The following TMEM156 variants were observed in gnomAD, a reference collection of about 807,000 sequenced individuals.
The protein encoded by TMEM156 is transmembrane protein 156.
Under a neutral mutation model 30.5 loss-of-function variants are expected in TMEM156, and 28 were observed. The observed-to-expected ratio is 0.92, with a 90% CI of 0.68 to 1.26. The LOEUF is 1.26. TMEM156 is among the 50% of genes most tolerant of loss of function. The pLI is 0.00. For missense variants in TMEM156, 351 were observed against 340.6 expected (o/e 1.03, Z -0.24); for synonymous variants, 137 against 119.9 (o/e 1.14, Z -0.93).
chr4:39,018,435 T>C (rs1019462964), intron 1 of TMEM156, among the ~76,000 whole-genome samples: 4 of 152,198 alleles, frequency 2.6e-5, no homozygotes, highest in South Asian at 2.1e-4. Flanking sequence ...GAGGTTTTTT[T>C]CCCTGCCATT....
intron 3 of TMEM156, among the ~76,000 whole-genome samples, chr4:38,990,600 C>T (rs1448615201): frequency 6.6e-6 from 1 of 152,104 alleles, no homozygotes; most frequent in Admixed American, 6.5e-5. Context: ...GAGTGTATCT[C>T]CTAGGGTCCT....
intron 1 of TMEM156, among the ~76,000 whole-genome samples, chr4:39,021,017 G>C (rs1390734911): frequency 6.6e-6 from 1 of 152,120 alleles, no homozygotes; most frequent in Non-Finnish European, 1.5e-5. Flanking sequence ...ATATTTCACT[G>C]TATTTTCATA....
At chr4:38,979,005 C>A (rs990769441) in intron 5 of TMEM156, among the ~76,000 whole-genome samples, 3 of 152,204 alleles carry the variant, frequency 2.0e-5, no homozygotes, top group Admixed American at 2.0e-4. Context: ...TTTGACTTCC[C>A]ACACGGATCT....
intron 3 of TMEM156, among the ~76,000 whole-genome samples, chr4:38,990,176 A>G (rs566164457): frequency 6.6e-6 from 1 of 152,352 alleles, no homozygotes; most frequent in African/African-American, 2.4e-5. Flanking sequence ...ACCTTAGCAG[A>G]ATGTATACCA....
At chr4:38,991,116 T>G (rs1366087983) in intron 3 of TMEM156, among the ~76,000 whole-genome samples, 1 of 151,934 alleles carries the variant, frequency 6.6e-6, no homozygotes, top group Non-Finnish European at 1.5e-5. Context: ...ATTACAGGCA[T>G]GACCCACCTC....
chr4:38,973,326 C>T (rs567173046), intron 5 of TMEM156, among the ~76,000 whole-genome samples: 10 of 152,166 alleles, frequency 6.6e-5, no homozygotes, highest in African/African-American at 2.2e-4. Context: ...TTTATATATT[C>T]GTCTTCCTCT....
chr4:39,019,311 A>G (rs140101751), intron 1 of TMEM156, among the ~76,000 whole-genome samples: 12 of 152,280 alleles, frequency 7.9e-5, no homozygotes, highest in South Asian at 4.1e-4. Flanking sequence ...CCAGTTCACT[A>G]ATTCATTATT....
rs372463339 is a variant in TMEM156, at chr4:38,971,094, C to A, written c.867G>T (p.Val289=). ...CTTATAGTTCTGGAATTGGGGGAAG[C>A]ACTTCCTGGACTTGATCCAAAGGCA... The part of the protein sequence containing the change: ...QRLPLDQVQE[V]LPPIPEL Residue 289 remains valine, a synonymous_variant, in exon 6 of 7, where the codon GTG becomes GTT. Transcript: ENST00000381938. 7.4e-6 allele frequency: 12 copies of A among 1,613,888 alleles called. No individual in the cohort carries two copies. Among genetic ancestry groups the A allele is most frequent in the Non-Finnish European group, 9.3e-6 (11 of 1,179,910 alleles).
At chr4:38,981,785 C>A (rs1429920098) in intron 5 of TMEM156, among the ~76,000 whole-genome samples, 2 of 152,186 alleles carry the variant, frequency 1.3e-5, no homozygotes, top group African/African-American at 4.8e-5. Flanking sequence ...TTTCCCTTCT[C>A]CTATGTCAAC....
chr4:39,013,843 TTAAA>T (rs1379760911), intron 1 of TMEM156, among the ~76,000 whole-genome samples: 5 of 152,218 alleles, frequency 3.3e-5, no homozygotes, highest in African/African-American at 1.2e-4. Context: ...ATCCAAAGGT[TTAAA>T]TACTGTCAAA....
chr4:38,990,334 C>T (rs998126726), intron 3 of TMEM156, among the ~76,000 whole-genome samples: 5 of 152,138 alleles, frequency 3.3e-5, no homozygotes, highest in African/African-American at 1.2e-4. Context: ...ATTAGGATGG[C>T]GGCGCTCAGC....
intron 4 of TMEM156, among the ~76,000 whole-genome samples, chr4:38,987,372 C>T (rs1337001178): frequency 1.3e-5 from 2 of 152,100 alleles, no homozygotes; most frequent in African/African-American, 4.8e-5. Context: ...AGTGAAAATG[C>T]TCTGAAAATG....
intron 2 of TMEM156, among the ~76,000 whole-genome samples, chr4:38,994,405 C>T (rs531355058): frequency 5.3e-5 from 8 of 152,226 alleles, no homozygotes; most frequent in East Asian, 3.9e-4. Flanking sequence ...GGATTACAGG[C>T]GTGAGCCACT....
At chr4:38,969,366 G>A (rs1416119064) in intron 6 of TMEM156, among the ~76,000 whole-genome samples, 2 of 152,156 alleles carry the variant, frequency 1.3e-5, no homozygotes, top group African/African-American at 4.8e-5. Context: ...TACTTCACTT[G>A]AGATAATGAC....
intron 1 of TMEM156, among the ~76,000 whole-genome samples, chr4:39,024,945 A>T (rs1242091100): frequency 6.6e-6 from 1 of 152,254 alleles, no homozygotes; most frequent in East Asian, 1.9e-4. Context: ...TCAGCAATTT[A>T]AAAATATTAG....
At chr4:39,007,244 G>C (rs1449518382) in intron 1 of TMEM156, among the ~76,000 whole-genome samples, 3 of 152,058 alleles carry the variant, frequency 2.0e-5, no homozygotes, top group Non-Finnish European at 4.4e-5. Context: ...CCGTCGCCTT[G>C]TTATTTTTCT....
chr4:38,980,465 C>T lies in TMEM156; in HGVS notation c.823+5871G>A, dbSNP rs139079367. Among the ~76,000 whole-genome samples the T allele has an allele frequency of 3.2e-3, 485 of 152,282 alleles. 4 individuals carry two copies. Among genetic ancestry groups the T allele is most frequent in the African/African-American group, 0.011 (445 of 41,540 alleles). On this transcript the variant is annotated intron_variant, in intron 5 of 6. Coordinates refer to ENST00000381938, the MANE Select transcript of TMEM156 (RefSeq NM_024943.3). ...TATTTGGCAAATATTTATTGGGTACCTATGACATGCCCATATATATGCATT... is the reference window on the plus strand; with the variant it reads ...TATTTGGCAAATATTTATTGGGTACTTATGACATGCCCATATATATGCATT...
At chr4:38,986,650 A>G (rs1352422301) in intron 4 of TMEM156, among the ~76,000 whole-genome samples, 1 of 151,558 alleles carries the variant, frequency 6.6e-6, no homozygotes, top group Admixed American at 6.6e-5. Flanking sequence ...CTACTAAAAA[A>G]TACAAAAATT....
chr4:39,027,255 T>G (rs1295525892), intron 1 of TMEM156, among the ~76,000 whole-genome samples: 1 of 152,224 alleles, frequency 6.6e-6, no homozygotes, highest in Admixed American at 6.5e-5. Flanking sequence ...TTTTGAGAAC[T>G]AGAATAACAC....
Sources: gnomAD v4.1 joint callset for allele counts (sites outside exome capture counted in the v4.1 genomes callset) on GRCh38, gnomAD v4.1.1 for gene constraint, MANE v1.5 for transcripts, NCBI Gene and HGNC (gene_info 2026-07-23, HGNC 2026-07-21) for gene names.